DNAJC2: variants seen among roughly 807,000 people sequenced by gnomAD.
DNAJC2 encodes dnaJ homolog subfamily C member 2.
DNAJC2 carries 32 observed loss-of-function variants against 94.0 expected under a neutral mutation model. That is an observed-to-expected ratio of 0.34 (90% CI 0.26 to 0.46). The LOEUF (loss-of-function observed/expected upper bound fraction) is 0.46, where lower values mean the gene tolerates loss of function less well. Ranked by LOEUF, DNAJC2 falls within the 20% of genes least tolerant of loss-of-function variation. DNAJC2 has a pLI of 1.00. For missense variants in DNAJC2, 550 were observed against 719.5 expected (o/e 0.76, Z 2.69); for synonymous variants, 210 against 229.7 (o/e 0.91, Z 0.77).
chr7:103,343,319 T>A (rs1167088938), intron 1 of DNAJC2, among the ~76,000 whole-genome samples: 3 of 152,198 alleles, frequency 2.0e-5, no homozygotes, highest in East Asian at 3.8e-4. Context: ...CTGTCTTAAT[T>A]ATTAAAATCT....
chr7:103,336,605 C>G (rs1819184310), intron 3 of DNAJC2: 1 of 152,232 alleles, frequency 6.6e-6, no homozygotes, highest in East Asian at 1.9e-4. Flanking sequence ...CTCGGCCTCC[C>G]AAAGTGTTGG....
At chr7:103,322,870 T>C (rs1430607111) in intron 7 of DNAJC2, 76 bp from the exon 8 acceptor site, 4 of 1,084,724 alleles carry the variant, frequency 3.7e-6, no homozygotes, top group East Asian at 5.2e-5. Flanking sequence ...TTTTATAAAA[T>C]ATTTATATGT....
At position 103,341,763 on chromosome 7, in the gene DNAJC2, C is replaced by G; in HGVS notation, c.255+1G>C. 1.3e-6 allele frequency: 2 copies of G among 1,555,944 alleles called. No homozygotes were observed. Among genetic ancestry groups the G allele is most frequent in the Non-Finnish European group, 1.7e-6 (2 of 1,153,280 alleles). On this transcript the variant is annotated splice_donor_variant, in intron 2 of 16. Coordinates refer to ENST00000379263, the MANE Select transcript of DNAJC2 (RefSeq NM_014377.3). LOFTEE classifies it high-confidence loss of function. ...GAACAAAATATTCAGATATTAAATA[C>G]CTTCCAGTCTTTGGGATCAAGTGTT...
intron 13 of DNAJC2, 194 bp downstream of exon 13, chr7:103,316,636 A>G (rs1818072679): frequency 3.4e-6 from 2 of 581,110 alleles, no homozygotes; most frequent in East Asian, 2.8e-5. Flanking sequence ...TGTCATATGT[A>G]TATGTGCATG....
chr7:103,343,943 C>T (rs1227516899), intron 1 of DNAJC2, among the ~76,000 whole-genome samples: 4 of 152,190 alleles, frequency 2.6e-5, no homozygotes. Context: ...GATCACTGGA[C>T]CTGAAGACTC....
intron 15 of DNAJC2, among the ~76,000 whole-genome samples, chr7:103,314,897 G>C (rs910437064): frequency 6.6e-6 from 1 of 152,144 alleles, no homozygotes; most frequent in African/African-American, 2.4e-5. Flanking sequence ...GAAAGGATTG[G>C]TGGCTCACAA....
At chr7:103,327,397 T>C in intron 4 of DNAJC2, 2 of 1,094,934 alleles carry the variant, frequency 1.8e-6, no homozygotes, top group South Asian at 1.3e-5. Flanking sequence ...ATGCAGATTT[T>C]AATCAGTAGG....
At chr7:103,313,199 G>A in intron 15 of DNAJC2, 98 bp from the exon 16 acceptor site, 1 of 1,465,722 alleles carries the variant, frequency 6.8e-7, no homozygotes, top group East Asian at 2.4e-5. Context: ...ATTTCAATCT[G>A]GGATGTGTCA....
intron 3 of DNAJC2, among the ~76,000 whole-genome samples, chr7:103,332,006 TA>T (rs1370435223): frequency 8.9e-5 from 7 of 78,732 alleles, no homozygotes; most frequent in Middle Eastern, 9.1e-3. Context: ...TTAAATTTGC[TA>T]TTTTTTTTTT....
At chr7:103,321,862 A>C in intron 10 of DNAJC2, 70 bp downstream of exon 10, 1 of 1,529,356 alleles carries the variant, frequency 6.5e-7, no homozygotes, top group Admixed American at 1.8e-5. Context: ...ACAAACAAAC[A>C]AAAAGAAGTA....
chr7:103,327,611 T>A (rs781372173), intron 4 of DNAJC2, 45 bp downstream of exon 4: 1 of 1,259,612 alleles, frequency 7.9e-7, no homozygotes, highest in Non-Finnish European at 1.1e-6. Context: ...AATTAATAAA[T>A]AACAATTACT....
intron 1 of DNAJC2, among the ~76,000 whole-genome samples, chr7:103,343,586 A>T (rs1819475330): frequency 6.6e-6 from 1 of 152,226 alleles, no homozygotes; most frequent in South Asian, 2.1e-4. Flanking sequence ...CTTGAATGAG[A>T]CCACAGAAAC....
At chr7:103,312,675 T>A in intron 16 of DNAJC2, 32 bp from the exon 17 acceptor site, 1 of 1,603,512 alleles carries the variant, frequency 6.2e-7, no homozygotes, top group East Asian at 2.2e-5. Flanking sequence ...ATTTAAGAAG[T>A]TGCGATTTAA....
chr7:103,316,983 T>G lies in DNAJC2; in HGVS notation c.1274A>C (p.Glu425Ala). The G allele has an allele frequency of 6.2e-7, 1 of 1,613,830 alleles. No individual in the cohort carries two copies. ...CATACGAGCCTCAGCTTCCTCTTTC[T>G]CTTTTCTGATTTGCTCATTTATTTC... is the stretch of plus-strand genomic sequence containing the variant. ...IEEINEQIRK[E>A]KEEAEARMRQ... Residue 425 changes from glutamate to alanine, a missense_variant, in exon 13 of 17, where the codon GAG becomes GCG. Physicochemically the swap from Glu to Ala is moderately radical, Grantham distance 107 (BLOSUM62 -1). Around this residue, in one of 2 missense-constraint regions of DNAJC2, gnomAD observed 271 missense variants for 302.6 expected, o/e 0.90. Transcript: ENST00000379263.
intron 15 of DNAJC2, chr7:103,313,347 G>T: frequency 1.7e-6 from 2 of 1,186,302 alleles, no homozygotes; most frequent in East Asian, 4.0e-5. Context: ...GATCTACCTT[G>T]TACTGTTTAT....
chr7:103,329,530 C>A (rs950008836), intron 3 of DNAJC2: 5 of 152,152 alleles, frequency 3.3e-5, no homozygotes, highest in African/African-American at 9.7e-5. Flanking sequence ...CTAGTACTTA[C>A]AATAGTTCTA....
At chr7:103,337,493 C>CCA (rs141135440) in intron 3 of DNAJC2, 20 of 369,672 alleles carry the variant, frequency 5.4e-5, no homozygotes, top group East Asian at 2.3e-4. Context: ...TATTTTGTAT[C>CCA]CACACACACA....
rs115557384 is a variant in DNAJC2 at position 103,319,101 on chromosome 7, G to A, written c.1242+508C>T. Among the ~76,000 whole-genome samples, 573 of 152,034 alleles carry A rather than the reference G, an allele frequency of 3.8e-3. 4 individuals are homozygous for A. The highest frequency in any genetic ancestry group is 0.014 in the African/African-American group (562 of 41,478). ...GTGGCACACACCTGTAATCCCACCC[G>A]CACTCCAGCCTGGGTGACAGAGAGA... is the stretch of plus-strand genomic sequence containing the variant. On this transcript the variant is annotated intron_variant, in intron 12 of 16. Transcript: ENST00000379263.
chr7:103,325,805 AAAT>A (rs1173917222), intron 5 of DNAJC2, among the ~76,000 whole-genome samples: 2 of 152,242 alleles, frequency 1.3e-5, no homozygotes, highest in Non-Finnish European at 2.9e-5. Flanking sequence ...TCGTAACTAT[AAAT>A]AATGTTTTGT....
Sources: allele counts gnomAD v4.1 joint callset (sites outside exome capture counted in the v4.1 genomes callset), GRCh38; gene constraint gnomAD v4.1.1; regional missense constraint gnomAD v4.1.1; transcripts MANE v1.5; gene names NCBI Gene and HGNC (gene_info 2026-07-23, HGNC 2026-07-21).